Variants in ZNF157 observed in about 807,000 individuals in gnomAD.
The protein encoded by ZNF157 is zinc finger protein 22.
ZNF157 carries 8 observed loss-of-function variants against 9.4 expected under a neutral mutation model. The observed-to-expected ratio is 0.85, with a 90% CI of 0.50 to 1.53. The LOEUF is 1.53. Ranked by LOEUF, ZNF157 falls within the 40% of genes most tolerant of loss-of-function variation. The pLI is 0.00. For synonymous variants in ZNF157, 120 were observed against 130.8 expected, an observed-to-expected ratio of 0.92 and a Z score of 0.56; for missense variants, 316 against 385.2, an observed-to-expected ratio of 0.82 and a Z score of 1.50.
chrX:47,399,202 T>C (rs954729875), intron 1 of ZNF157, among the ~76,000 whole-genome samples: 2 of 111,625 alleles, frequency 1.8e-5, no homozygotes, highest in Non-Finnish European at 3.8e-5. Context: ...GCCTCCCCAT[T>C]GGTCTTTTCC....
chrX:47,399,586 G>A (rs766735780), intron 1 of ZNF157, among the ~76,000 whole-genome samples: 4 of 112,208 alleles, frequency 3.6e-5, no homozygotes, highest in Non-Finnish European at 5.6e-5. Context: ...TAGCAAGAAT[G>A]TTCCATTGAT....
chrX:47,380,619 C>T (rs1316588526), intron 1 of ZNF157, among the ~76,000 whole-genome samples: 1 of 111,388 alleles, frequency 9.0e-6, no homozygotes, highest in African/African-American at 3.3e-5. Context: ...CTTGAGCCCA[C>T]TGGCCCAACT....
intron 1 of ZNF157, among the ~76,000 whole-genome samples, chrX:47,401,359 G>A (rs944285093): frequency 1.8e-5 from 2 of 111,831 alleles, no homozygotes; most frequent in African/African-American, 6.5e-5. Flanking sequence ...AATCATGTCT[G>A]CCTGTGGATC....
intron 1 of ZNF157, among the ~76,000 whole-genome samples, chrX:47,377,731 C>CT (rs1160508436): frequency 2.7e-3 from 232 of 86,737 alleles, no homozygotes; most frequent in Non-Finnish European, 2.7e-3. Flanking sequence ...CATGCCCAGC[C>CT]TTTTTTTTTT....
intron 1 of ZNF157, among the ~76,000 whole-genome samples, chrX:47,408,880 A>C (rs996087340): frequency 1.8e-5 from 2 of 111,672 alleles, no homozygotes; most frequent in Non-Finnish European, 3.8e-5. Context: ...CCCTCCCACC[A>C]GGCCCCACCT....
chrX:47,374,998 C>CTTTT lies in ZNF157; in HGVS notation c.72+4291_72+4294dup, dbSNP rs769541152. Among the ~76,000 whole-genome samples, 16 of 24,996 alleles carry CTTTT rather than the reference C, an allele frequency of 6.4e-4. 3 individuals carry two copies. The East Asian group carries it at 8.9e-3, about 14-fold the overall frequency. 21.7% of individuals were successfully genotyped at this position (24,996 alleles called of 115,157 possible). The stretch of plus-strand genomic sequence containing the variant: ...GTGAGCCCTGAGCCCGGCTGACAAT[C>CTTTT]TTTTTTTTTTTTTTTTTTTTTTTTT... On this transcript the variant is annotated intron_variant, in intron 1 of 3. Transcript: ENST00000377073.
At chrX:47,390,316 G>A (rs1394666172) in intron 1 of ZNF157, 2 of 111,862 alleles carry the variant, frequency 1.8e-5, no homozygotes, top group Non-Finnish European at 3.8e-5. Flanking sequence ...TGCTTCTTAA[G>A]GAGCTTCCAA....
intron 1 of ZNF157, among the ~76,000 whole-genome samples, chrX:47,389,058 G>A (rs1465037911): frequency 9.0e-6 from 1 of 110,570 alleles, no homozygotes; most frequent in South Asian, 3.8e-4. Flanking sequence ...TGATCCATCC[G>A]CCCTTGGCCT....
intron 1 of ZNF157, chrX:47,388,832 C>G (rs907226329): frequency 1.7e-5 from 2 of 116,835 alleles, no homozygotes; most frequent in African/African-American, 6.4e-5. Context: ...ACAATATTTT[C>G]TTTTCTTTTT....
rs1236735650 is a variant in ZNF157 at position 47,408,133 on chromosome X, A to T, written c.73-2143A>T. Among the ~76,000 whole-genome samples the T allele has an allele frequency of 5.6e-5, 6 of 107,149 alleles. No homozygotes were observed. The East Asian group carries it at 1.8e-3, about 32-fold the overall frequency. The allele number at this position is 107,149 out of a possible 115,157, so 93.0% of individuals were successfully genotyped here. ...TTTTTTTTTTTTTAGACGGAGTTTC[A>T]CTCTTGTCACCCAGGCTAGAGTGCA... On this transcript the variant is annotated intron_variant, in intron 1 of 3. Coordinates refer to ENST00000377073, the MANE Select transcript of ZNF157 (RefSeq NM_003446.4).
Position 47,375,266 on chromosome X carries a change from C to T in ZNF157, c.72+4526C>T, listed in dbSNP as rs185379516. On this transcript the variant is annotated intron_variant, in intron 1 of 3. Coordinates refer to ENST00000377073, the MANE Select transcript of ZNF157 (RefSeq NM_003446.4). ...TCCTGACCTTGTGATCCACCCACCT[C>T]GGCCTCCCAAAGTGCTGGGATTATA... 5.6e-3 allele frequency among the ~76,000 whole-genome samples: 613 copies of T among 109,007 alleles called. 2 individuals are homozygous for T. The highest frequency in any genetic ancestry group is 0.02 in the African/African-American group (589 of 30,090). The allele number at this position is 109,007 out of a possible 115,157, so 94.7% of individuals were successfully genotyped here. A position where few individuals can be genotyped will look rare whatever the true frequency, so the allele number is the denominator to read the frequency against.
At chrX:47,390,203 G>C (rs1181616575) in intron 1 of ZNF157, 1 of 111,574 alleles carries the variant, frequency 9.0e-6, no homozygotes, top group East Asian at 2.8e-4. Context: ...CAGATGACTA[G>C]AAATGGATAA....
intron 1 of ZNF157, among the ~76,000 whole-genome samples, chrX:47,378,712 C>T (rs993332807): frequency 5.4e-5 from 6 of 111,334 alleles, no homozygotes; most frequent in African/African-American, 2.0e-4. Flanking sequence ...GTGGCCTGCA[C>T]CTGTAATCTC....
chrX:47,383,371 CAAAAAAAAAAA>C (rs35133137), intron 1 of ZNF157, among the ~76,000 whole-genome samples: 7 of 18,807 alleles, frequency 3.7e-4, no homozygotes, highest in Admixed American at 1.3e-3. Flanking sequence ...GACTCAGTCT[CAAAAAAAAAAA>C]AAAAAAAAAA....
intron 1 of ZNF157, chrX:47,390,850 G>C (rs781410339): frequency 8.9e-6 from 1 of 112,443 alleles, no homozygotes. Flanking sequence ...CACTCTGCGT[G>C]ATTCCATGCA....
intron 1 of ZNF157, among the ~76,000 whole-genome samples, chrX:47,394,183 C>T (rs377206030): frequency 1.6e-4 from 18 of 110,351 alleles, no homozygotes; most frequent in Non-Finnish European, 2.3e-4. Flanking sequence ...AGGATGGTCT[C>T]GATCTCATGA....
intron 1 of ZNF157, among the ~76,000 whole-genome samples, chrX:47,377,231 GC>G (rs1163865884): frequency 1.8e-4 from 6 of 33,791 alleles, no homozygotes; most frequent in Non-Finnish European, 3.4e-4. Context: ...CCCTACCCCT[GC>G]CCCCCACCCC....
rs192151472 is a variant in ZNF157 at position 47,387,226 on chromosome X, G to A, written c.72+16486G>A. Reference sequence around the variant, plus strand: ...CAACCTCCGCCTCCCGGATTCAAGTGATTCTCCTGCCTCAGCCTCCCGAGT... The same window carrying A: ...CAACCTCCGCCTCCCGGATTCAAGTAATTCTCCTGCCTCAGCCTCCCGAGT... On this transcript the variant is annotated intron_variant, in intron 1 of 3. Coordinates refer to ENST00000377073, the MANE Select transcript of ZNF157 (RefSeq NM_003446.4). Among the ~76,000 whole-genome samples, 452 of 110,103 alleles carry A rather than the reference G, an allele frequency of 4.1e-3. 3 individuals are homozygous for A. The highest frequency in any genetic ancestry group is 6.3e-3 in the Non-Finnish European group (332 of 52,624).
chrX:47,413,753 G>A lies in ZNF157; in HGVS notation c.*159G>A. 1.1e-6 allele frequency: 1 copy of A among 879,570 alleles called. No individual in the cohort carries two copies. Among genetic ancestry groups the A allele is most frequent in the Non-Finnish European group, 1.5e-6 (1 of 666,788 alleles). The allele number at this position is 879,570 out of a possible 1,213,427, so 72.5% of individuals were successfully genotyped here. A position where few individuals can be genotyped will look rare whatever the true frequency, so the allele number is the denominator to read the frequency against. On this transcript the variant is annotated 3_prime_UTR_variant, in exon 4 of 4. Coordinates refer to ENST00000377073, the MANE Select transcript of ZNF157 (RefSeq NM_003446.4). ...TTTATTCAGATTTCCCTAATTAGTGGTGTGTGAACATCTTATCTGTTGATT... is the reference window on the plus strand; with the variant it reads ...TTTATTCAGATTTCCCTAATTAGTGATGTGTGAACATCTTATCTGTTGATT...
Sources: allele counts gnomAD v4.1 joint callset (sites outside exome capture counted in the v4.1 genomes callset), GRCh38; gene constraint gnomAD v4.1.1; transcripts MANE v1.5; gene names NCBI Gene and HGNC (gene_info 2026-07-23, HGNC 2026-07-21).